PTPRN2: variants seen among roughly 807,000 people sequenced by gnomAD.
PTPRN2 encodes the protein receptor-type tyrosine-protein phosphatase N2.
PTPRN2 carries 74 observed loss-of-function variants against 118.8 expected under a neutral mutation model. The ratio of observed to expected loss-of-function variants is 0.62; its 90% CI spans 0.52 to 0.76. The LOEUF (loss-of-function observed/expected upper bound fraction) is 0.76. PTPRN2 is among the 30% of genes least tolerant of loss of function. The pLI is 0.00. For missense variants in PTPRN2, 1,481 were observed against 1,394.4 expected, an observed-to-expected ratio of 1.06 and a Z score of -0.99; for synonymous variants, 641 against 608.0, an observed-to-expected ratio of 1.05 and a Z score of -0.80.
At chr7:157,997,049 C>T (rs1039143926) in intron 11 of PTPRN2, among the ~76,000 whole-genome samples, 3 of 152,204 alleles carry the variant, frequency 2.0e-5, no homozygotes, top group South Asian at 2.1e-4. Flanking sequence ...GCAATGAGGC[C>T]GGCACGGGGG....
In PTPRN2 at chr7:158,386,970, C is replaced by T. The variant is rs561549474; in HGVS notation, c.164-70038G>A. Among the ~76,000 whole-genome samples, 21 of 152,330 alleles carry T rather than the reference C, an allele frequency of 1.4e-4. 1 individual carries two copies. Among genetic ancestry groups the T allele is most frequent in the South Asian group, 4.1e-4 (2 of 4,824 alleles). On this transcript the variant is annotated intron_variant, in intron 2 of 22. Coordinates refer to ENST00000389418, the MANE Select transcript of PTPRN2 (RefSeq NM_002847.5). ...CGGCCCGATCACCCACCTAAGCACT[C>T]GCCACAGGGGTGGGCTGAGGATGGG...
At chr7:157,715,232 G>A (rs1442163798) in intron 12 of PTPRN2, among the ~76,000 whole-genome samples, 2 of 152,218 alleles carry the variant, frequency 1.3e-5, no homozygotes, top group Non-Finnish European at 2.9e-5. Context: ...AGTCCAGGCC[G>A]TGCGCCCAAG....
chr7:157,580,444 C>T (rs559406509), intron 17 of PTPRN2, among the ~76,000 whole-genome samples: 1 of 150,900 alleles, frequency 6.6e-6, no homozygotes, highest in South Asian at 2.1e-4. Flanking sequence ...CACACCCCAG[C>T]ACCTGCACAC....
chr7:157,651,543 C>T (rs924231173), intron 14 of PTPRN2, among the ~76,000 whole-genome samples: 2 of 152,202 alleles, frequency 1.3e-5, no homozygotes, highest in Non-Finnish European at 2.9e-5. Flanking sequence ...CGGTGGCTCC[C>T]GGCCGACTCA....
intron 2 of PTPRN2, among the ~76,000 whole-genome samples, chr7:158,403,161 A>C (rs1813076669): frequency 1.3e-5 from 2 of 152,202 alleles, no homozygotes; most frequent in Non-Finnish European, 2.9e-5. Flanking sequence ...TGGGAGGTTG[A>C]GCAGACAGAA....
chr7:158,451,465 A>G (rs1445183310), intron 2 of PTPRN2, among the ~76,000 whole-genome samples: 4 of 152,166 alleles, frequency 2.6e-5, no homozygotes, highest in Non-Finnish European at 5.9e-5. Context: ...TCAGTTGAAA[A>G]CCTTTATAGT....
Position 157,929,318 on chromosome 7 carries a change from C to T in PTPRN2, c.1724-30581G>A, listed in dbSNP as rs143127496. Among the ~76,000 whole-genome samples the T allele has an allele frequency of 1.1e-3, 163 of 151,984 alleles. 1 individual carries two copies. Among genetic ancestry groups the T allele is most frequent in the Middle Eastern group, 6.8e-3 (2 of 292 alleles). On this transcript the variant is annotated intron_variant, in intron 11 of 22. Coordinates refer to ENST00000389418, the MANE Select transcript of PTPRN2 (RefSeq NM_002847.5). The surrounding 1 kb of genome is among the most constrained non-coding windows in gnomAD (Gnocchi z 4.4). ...GACTACCTTCAGCAACCCTGCCTTA[C>T]GGTGGGGATGCTGGACAGGCATTCA...
At chr7:158,129,463 C>T (rs1449125511) in intron 9 of PTPRN2, among the ~76,000 whole-genome samples, 1 of 145,056 alleles carries the variant, frequency 6.9e-6, no homozygotes, top group Non-Finnish European at 1.5e-5. Context: ...ACATATACAA[C>T]ACACTGTGCA....
intron 3 of PTPRN2, among the ~76,000 whole-genome samples, chr7:158,289,970 G>A (rs1343767469): frequency 6.6e-6 from 1 of 152,174 alleles, no homozygotes; most frequent in Admixed American, 6.5e-5. Context: ...CACTGGAGTG[G>A]ACCTGTTGAT....
chr7:157,719,010 G>GC (rs11450011), intron 12 of PTPRN2, among the ~76,000 whole-genome samples: 102,361 of 151,880 alleles, frequency 0.67, 34,682 homozygotes, highest in Middle Eastern at 0.71. Context: ...TCTCCCTCCT[G>GC]CAGGCGTCTC....
rs1312403553 is a variant in PTPRN2, at chr7:158,570,203, G to A, written c.112+17355C>T. The stretch of plus-strand genomic sequence containing the variant: ...CGGGGAGCGCGCAGCCACAGCCCGC[G>A]TTTCCGGGCTCCGTGTCCTTCTGGA... On this transcript the variant is annotated intron_variant, in intron 1 of 22. Coordinates refer to ENST00000389418, the MANE Select transcript of PTPRN2 (RefSeq NM_002847.5). This position sits in a 1 kb window ranked among gnomAD's most constrained non-coding sequence, Gnocchi z 4.5. Among the ~76,000 whole-genome samples the A allele has an allele frequency of 6.6e-6, 1 of 152,166 alleles. No individual in the cohort carries two copies. Among genetic ancestry groups the A allele is most frequent in the Non-Finnish European group, 1.5e-5 (1 of 68,024 alleles).
At chr7:158,372,393 TGCTGGTCCCCAGA>T (rs1810114858) in intron 2 of PTPRN2, among the ~76,000 whole-genome samples, 2 of 112,994 alleles carry the variant, frequency 1.8e-5, no homozygotes, top group South Asian at 3.3e-4. Context: ...GCCTCCCCAA[TGCTGGTCCCCAGA>T]GCTGGTCCCC....
intron 11 of PTPRN2, among the ~76,000 whole-genome samples, chr7:157,959,240 C>G (rs958062989): frequency 3.3e-5 from 5 of 152,182 alleles, no homozygotes; most frequent in African/African-American, 1.2e-4. Context: ...TCTGAATTTA[C>G]AAGATGAAAC....
chr7:157,789,283 C>T (rs1336795340), intron 12 of PTPRN2, among the ~76,000 whole-genome samples: 1 of 152,218 alleles, frequency 6.6e-6, no homozygotes, highest in East Asian at 1.9e-4. Flanking sequence ...CGAGAAGCTC[C>T]CCGCCCGGTG....
chr7:157,938,281 C>A (rs1408888913), intron 11 of PTPRN2, among the ~76,000 whole-genome samples: 1 of 152,240 alleles, frequency 6.6e-6, no homozygotes, highest in Non-Finnish European at 1.5e-5. Context: ...AGTGGAGATG[C>A]AGGGGAGACA....
In PTPRN2 at chr7:158,055,396, T is replaced by C. The variant is rs190882864; in HGVS notation, c.1723+25902A>G. Among the ~76,000 whole-genome samples the C allele has an allele frequency of 3.4e-3, 521 of 152,238 alleles. 3 individuals carry two copies. Among genetic ancestry groups the C allele is most frequent in the Non-Finnish European group, 6.5e-3 (443 of 68,018 alleles). On this transcript the variant is annotated intron_variant, in intron 11 of 22. Coordinates refer to ENST00000389418, the MANE Select transcript of PTPRN2 (RefSeq NM_002847.5). Reference sequence around the variant, plus strand: ...GTCAGTGCCAAGGAAAAACACCCGCTACTTAGCAGACCAGGAAAGGGAGTC... The same window carrying C: ...GTCAGTGCCAAGGAAAAACACCCGCCACTTAGCAGACCAGGAAAGGGAGTC...
At position 158,094,528 on chromosome 7, in the gene PTPRN2, C is replaced by T. The variant is rs144315995; in HGVS notation, c.1644-13151G>A. Among the ~76,000 whole-genome samples, 375 of 152,104 alleles carry T rather than the reference C, an allele frequency of 2.5e-3. 2 individuals are homozygous for T. The highest frequency in any genetic ancestry group is 8.6e-3 in the African/African-American group (355 of 41,502). The stretch of plus-strand genomic sequence containing the variant: ...TTCACTATGTTGGCCAGGCTGGTCT[C>T]GAACTCCAGACCTTGTGATCCGCCC... On this transcript the variant is annotated intron_variant, in intron 10 of 22. Coordinates refer to ENST00000389418, the MANE Select transcript of PTPRN2 (RefSeq NM_002847.5).
At chr7:158,265,242 G>A (rs1029791748) in intron 3 of PTPRN2, among the ~76,000 whole-genome samples, 2 of 152,224 alleles carry the variant, frequency 1.3e-5, no homozygotes, top group Admixed American at 6.5e-5. Context: ...TCCTGGTGCT[G>A]GAAACACCCC....
chr7:157,689,645 C>T (rs1007981096), intron 12 of PTPRN2, among the ~76,000 whole-genome samples: 6 of 152,240 alleles, frequency 3.9e-5, no homozygotes, highest in Non-Finnish European at 1.5e-5. Context: ...CAGGTAGTTA[C>T]GAAGGAAGGA....
Sources: gnomAD v4.1 joint callset for allele counts (sites outside exome capture counted in the v4.1 genomes callset) on GRCh38, gnomAD v4.1.1 for gene constraint, Gnocchi (gnomAD v3.1) non-coding constraint, MANE v1.5 for transcripts, NCBI Gene and HGNC (gene_info 2026-07-23, HGNC 2026-07-21) for gene names.